Variants in NRXN1 observed in about 807,000 individuals in gnomAD.
NRXN1 encodes the protein neurexin 1.
Under a neutral mutation model 150.9 loss-of-function variants are expected in NRXN1, and 39 were observed. That is an observed-to-expected ratio of 0.26 (90% CI 0.20 to 0.34). NRXN1 has a LOEUF of 0.34. NRXN1 is among the 10% of genes least tolerant of loss of function. The pLI is 1.00. For synonymous variants in NRXN1, 924 were observed against 757.0 expected (o/e 1.22, Z -3.62); for missense variants, 1,815 against 1,949.9 (o/e 0.93, Z 1.30).
chr2:50,949,648 T>C (rs1017490565), intron 2 of NRXN1, among the ~76,000 whole-genome samples: 73 of 152,092 alleles, frequency 4.8e-4, no homozygotes, highest in African/African-American at 1.5e-3. Context: ...GTTTCATTCC[T>C]ACTCAGGCCT....
intron 17 of NRXN1, among the ~76,000 whole-genome samples, chr2:50,418,914 T>A (rs1015458763): frequency 1.3e-5 from 2 of 152,204 alleles, no homozygotes; most frequent in Middle Eastern, 3.4e-3. Flanking sequence ...CATATTTAAG[T>A]TACAAAAATC....
chr2:50,057,261 T>G (rs1573649442), intron 19 of NRXN1, among the ~76,000 whole-genome samples: 1 of 152,268 alleles, frequency 6.6e-6, no homozygotes, highest in South Asian at 2.1e-4. Flanking sequence ...TTATGAGACT[T>G]CTTTCAATTC....
At chr2:50,152,725 C>T (rs2058766404) in intron 18 of NRXN1, among the ~76,000 whole-genome samples, 1 of 151,726 alleles carries the variant, frequency 6.6e-6, no homozygotes, top group African/African-American at 2.4e-5. Flanking sequence ...GTATGAATGA[C>T]TTGCTTCTCT....
rs72874682 is a variant in NRXN1, at chr2:50,092,209, C to T, written c.3547-715G>A. Among the ~76,000 whole-genome samples the T allele has an allele frequency of 6.7e-3, 1,020 of 152,212 alleles. 14 individuals are homozygous for T. The highest frequency in any genetic ancestry group is 0.024 in the African/African-American group (991 of 41,528). On this transcript the variant is annotated intron_variant, in intron 18 of 22. Coordinates refer to ENST00000401669, the MANE Select transcript of NRXN1 (RefSeq NM_001330078.2). ...GATACCGTTATCCAAAATGAACGCCCTCTTCACTTCTTCATATGCAAAGCC... is the reference window on the plus strand; with the variant it reads ...GATACCGTTATCCAAAATGAACGCCTTCTTCACTTCTTCATATGCAAAGCC...
chr2:50,374,710 T>C lies in NRXN1; in HGVS notation c.3364+90732A>G, dbSNP rs192940338. ...TAGTGATTGCATGGTGATCTTTATG[T>C]GATGAAATTTTTAACAGTTAATATC... On this transcript the variant is annotated intron_variant, in intron 17 of 22. Transcript: ENST00000401669. 2.7e-3 allele frequency among the ~76,000 whole-genome samples: 417 copies of C among 152,288 alleles called. 3 individuals carry two copies. The highest frequency in any genetic ancestry group is 9.6e-3 in the African/African-American group (400 of 41,572).
At chr2:50,414,147 T>C (rs914213533) in intron 17 of NRXN1, among the ~76,000 whole-genome samples, 1 of 152,094 alleles carries the variant, frequency 6.6e-6, no homozygotes, top group Non-Finnish European at 1.5e-5. Flanking sequence ...ACAACAGGGT[T>C]ACTATATTCA....
At chr2:50,894,128 T>C (rs546463149) in intron 5 of NRXN1, among the ~76,000 whole-genome samples, 18 of 151,922 alleles carry the variant, frequency 1.2e-4, no homozygotes, top group African/African-American at 4.3e-4. Flanking sequence ...TTGGGAGATA[T>C]ACCTAATGCT....
At chr2:50,972,086 A>AT (rs1695091060) in intron 2 of NRXN1, among the ~76,000 whole-genome samples, 1 of 88,930 alleles carries the variant, frequency 1.1e-5, no homozygotes, top group African/African-American at 4.6e-5. Context: ...TATTTTATTC[A>AT]CAAAAAAAAA....
chr2:50,661,210 G>A lies in NRXN1; in HGVS notation c.833-37595C>T, dbSNP rs931515012. ...AAATGGTGACAATTCAAGGTTGAAA[G>A]AATCTCTGGTCTCTTTGATACCAAA... On this transcript the variant is annotated intron_variant, in intron 5 of 22. Coordinates refer to ENST00000401669, the MANE Select transcript of NRXN1 (RefSeq NM_001330078.2). Among the ~76,000 whole-genome samples, 5 of 152,022 alleles carry A rather than the reference G, an allele frequency of 3.3e-5. No individual in the cohort carries two copies. The East Asian group carries it at 9.7e-4, about 30-fold the overall frequency.
intron 22 of NRXN1, among the ~76,000 whole-genome samples, chr2:49,923,832 T>G (rs1343517079): frequency 6.6e-6 from 1 of 152,190 alleles, no homozygotes. Flanking sequence ...CAATAAGCTA[T>G]GTTCTGGTGC....
At chr2:50,851,426 T>C (rs956778177) in intron 5 of NRXN1, among the ~76,000 whole-genome samples, 1 of 152,086 alleles carries the variant, frequency 6.6e-6, no homozygotes, top group Admixed American at 6.5e-5. Flanking sequence ...TGCTTTACTA[T>C]TTTTTTAACC....
At chr2:50,680,042 G>T (rs1690148941) in intron 5 of NRXN1, among the ~76,000 whole-genome samples, 1 of 151,706 alleles carries the variant, frequency 6.6e-6, no homozygotes. Flanking sequence ...GGGGTGGGGG[G>T]ATGTGCTAAG....
intron 22 of NRXN1, chr2:49,926,269 C>G: frequency 2.5e-6 from 1 of 398,256 alleles, no homozygotes; most frequent in Admixed American, 4.4e-5. Context: ...GGGACTCTTG[C>G]ACTTATAAAG....
intron 18 of NRXN1, among the ~76,000 whole-genome samples, chr2:50,094,767 GAAAAA>G (rs10632264): frequency 1.5e-5 from 2 of 131,476 alleles, no homozygotes; most frequent in Non-Finnish European, 3.3e-5. Flanking sequence ...GAAAAGAAAA[GAAAAA>G]AAAAAAAAGA....
At chr2:50,120,239 A>C (rs1458601812) in intron 18 of NRXN1, among the ~76,000 whole-genome samples, 1 of 151,870 alleles carries the variant, frequency 6.6e-6, no homozygotes, top group African/African-American at 2.4e-5. Flanking sequence ...AAATTTTAAA[A>C]AATGGTACTA....
At chr2:50,710,011 GT>G (rs1694951819) in intron 5 of NRXN1, among the ~76,000 whole-genome samples, 1 of 152,092 alleles carries the variant, frequency 6.6e-6, no homozygotes, top group African/African-American at 2.4e-5. Flanking sequence ...AGATCTAGAG[GT>G]ATCTGAATTG....
chr2:50,465,365 T>A lies in NRXN1; in HGVS notation c.3364+77A>T, dbSNP rs1156330586. ...TGACTCAGAGTTAATATAAGGACTT[T>A]CAGTGTTAGACTTTAGATATCAAAC... is the stretch of plus-strand genomic sequence containing the variant. On this transcript the variant is annotated intron_variant, in intron 17 of 22. Transcript: ENST00000401669. The A allele has an allele frequency of 2.9e-6, 4 of 1,397,152 alleles. No homozygotes were observed. The East Asian group carries it at 1.0e-4, about 36-fold the overall frequency. The allele number at this position is 1,397,152 out of a possible 1,614,324, so 86.5% of individuals were successfully genotyped here.
chr2:50,960,842 T>A (rs955762512), intron 2 of NRXN1, among the ~76,000 whole-genome samples: 33 of 151,890 alleles, frequency 2.2e-4, no homozygotes, highest in Non-Finnish European at 4.4e-5. Flanking sequence ...AAACCAAAAT[T>A]GTGTATTTCC....
At chr2:50,808,594 G>A (rs1667817299) in intron 5 of NRXN1, among the ~76,000 whole-genome samples, 1 of 152,026 alleles carries the variant, frequency 6.6e-6, no homozygotes, top group Non-Finnish European at 1.5e-5. Flanking sequence ...TGTGTTCAAG[G>A]AAACCCAAAA....
Sources: allele counts gnomAD v4.1 joint callset (sites outside exome capture counted in the v4.1 genomes callset), GRCh38; gene constraint gnomAD v4.1.1; transcripts MANE v1.5; gene names NCBI Gene and HGNC (gene_info 2026-07-23, HGNC 2026-07-21).